NEXMIF: variants seen among roughly 807,000 people sequenced by gnomAD.
NEXMIF encodes the protein XLMR protein related to neurite extension.
A neutral mutation model predicts 62.1 loss-of-function variants in NEXMIF; 8 were observed. The observed-to-expected ratio is 0.13, with a 90% confidence interval of 0.08 to 0.23. NEXMIF has a LOEUF of 0.23. Ranked by LOEUF, NEXMIF falls within the 10% of genes least tolerant of loss-of-function variation. The probability of loss-of-function intolerance (pLI) is 1.00; values close to 1 mark genes in which losing one functional copy is unlikely to be tolerated. For missense variants in NEXMIF, 976 were observed against 1,113.3 expected (o/e 0.88, Z 1.75); for synonymous variants, 404 against 416.6 (o/e 0.97, Z 0.37).
chrX:74,884,972 A>C (rs1219365586), intron 1 of NEXMIF, among the ~76,000 whole-genome samples: 3 of 111,386 alleles, frequency 2.7e-5, no homozygotes, highest in Non-Finnish European at 5.7e-5. Flanking sequence ...CAATCAAACT[A>C]GAACTCAGGA....
chrX:74,799,613 A>G (rs2080322982), intron 1 of NEXMIF, among the ~76,000 whole-genome samples: 1 of 111,063 alleles, frequency 9.0e-6, no homozygotes, highest in African/African-American at 3.3e-5. Flanking sequence ...ACAATAATGA[A>G]CTCTCAAAAC....
chrX:74,878,510 T>G (rs868548240), intron 1 of NEXMIF, among the ~76,000 whole-genome samples: 2 of 112,480 alleles, frequency 1.8e-5, no homozygotes, highest in Non-Finnish European at 3.8e-5. Flanking sequence ...GCTGTGGTGG[T>G]CTCCACCCAG....
rs1399191075 is a variant in NEXMIF, at chrX:74,743,279, C to G, written c.1278G>C (p.Gln426His). Residue 426 changes from glutamine to histidine, a missense_variant, in exon 3 of 4, where the codon CAG becomes CAC. Gln to His is a conservative substitution (Grantham distance 24). Coordinates refer to ENST00000055682, the MANE Select transcript of NEXMIF (RefSeq NM_001008537.3). ...TCTCCAGGGAATTAGCAAGATGGCC[C>G]TGCTTTGGATTCTTAAGTTGCTCTA... ...TEVEQLKNPKQGHLANSLETS... is the reference protein window; with the variant it reads ...TEVEQLKNPKHGHLANSLETS... The G allele has an allele frequency of 1.7e-6, 2 of 1,211,752 alleles. No homozygotes were observed. The highest frequency in any genetic ancestry group is 3.5e-5 in the South Asian group (2 of 56,966).
At chrX:74,887,593 T>G (rs1569363695) in intron 1 of NEXMIF, among the ~76,000 whole-genome samples, 2 of 111,033 alleles carry the variant, frequency 1.8e-5, no homozygotes, top group Non-Finnish European at 3.8e-5. Flanking sequence ...AAAACCACAA[T>G]GAGATACCAT....
chrX:74,863,128 T>C (rs780758652), intron 1 of NEXMIF, among the ~76,000 whole-genome samples: 2 of 107,131 alleles, frequency 1.9e-5, no homozygotes, highest in East Asian at 3.0e-4. Context: ...GCTGAGTCCA[T>C]GCCACTGGAC....
rs1165878362 is a variant in NEXMIF, at chrX:74,741,414, T to C, written c.3143A>G (p.Glu1048Gly). The C allele has an allele frequency of 8.3e-7, 1 of 1,211,633 alleles. No individual in the cohort carries two copies. Among genetic ancestry groups the C allele is most frequent in the Non-Finnish European group, 1.1e-6 (1 of 895,444 alleles). ...QSIDEIAPLK[E>G]STDLLDISNF... ...GGATATATCCAGGAGGTCAGTGGACTCCTTTAGTGGTGCTATCTCATCAAT... is the reference window on the plus strand; with the variant it reads ...GGATATATCCAGGAGGTCAGTGGACCCCTTTAGTGGTGCTATCTCATCAAT... Residue 1048 changes from glutamate (E) to glycine (G), a missense_variant, in exon 3 of 4, where the codon GAG becomes GGG. Physicochemically the swap from Glu to Gly is moderately conservative, Grantham distance 98. Coordinates refer to ENST00000055682, the MANE Select transcript of NEXMIF (RefSeq NM_001008537.3).
At chrX:74,765,896 C>A (rs1192773729) in intron 1 of NEXMIF, among the ~76,000 whole-genome samples, 3 of 102,215 alleles carry the variant, frequency 2.9e-5, no homozygotes, top group Non-Finnish European at 6.0e-5. Flanking sequence ...AAAAAAGTAA[C>A]CAGGTGTGGT....
chrX:74,891,452 C>T (rs928254351), intron 1 of NEXMIF, among the ~76,000 whole-genome samples: 18 of 111,121 alleles, frequency 1.6e-4, no homozygotes, highest in Non-Finnish European at 3.0e-4. Context: ...ATAAATAATG[C>T]CAAAGTGAAA....
chrX:74,905,398 T>A (rs1253581387), intron 1 of NEXMIF, among the ~76,000 whole-genome samples: 1 of 112,313 alleles, frequency 8.9e-6, no homozygotes, highest in African/African-American at 3.2e-5. Context: ...TGGAGAGGAA[T>A]GTGACTGAAA....
At chrX:74,896,041 G>A (rs759464326) in intron 1 of NEXMIF, among the ~76,000 whole-genome samples, 19 of 110,935 alleles carry the variant, frequency 1.7e-4, no homozygotes, top group South Asian at 3.9e-4. Flanking sequence ...AGCCTGCCCC[G>A]TTTCCCCTTT....
At chrX:74,866,100 C>T (rs981421695) in intron 1 of NEXMIF, among the ~76,000 whole-genome samples, 3 of 111,477 alleles carry the variant, frequency 2.7e-5, no homozygotes, top group Non-Finnish European at 5.7e-5. Context: ...CCGGAAATGC[C>T]ACAGAAACTC....
At chrX:74,871,858 C>CAATCAGAT (rs1251879617) in intron 1 of NEXMIF, among the ~76,000 whole-genome samples, 5 of 111,535 alleles carry the variant, frequency 4.5e-5, no homozygotes, top group Non-Finnish European at 9.4e-5. Flanking sequence ...CCTTGTTTCA[C>CAATCAGAT]AATCAGATTT....
intron 1 of NEXMIF, among the ~76,000 whole-genome samples, chrX:74,838,073 C>T (rs912923228): frequency 3.6e-5 from 4 of 111,078 alleles, no homozygotes; most frequent in African/African-American, 1.3e-4. Context: ...ACTTACAAGC[C>T]CTGAACCTGA....
chrX:74,842,682 A>C (rs1008336729), intron 1 of NEXMIF, among the ~76,000 whole-genome samples: 17 of 112,197 alleles, frequency 1.5e-4, no homozygotes, highest in South Asian at 3.7e-4. Flanking sequence ...CTTGATTCTC[A>C]TTCTTTTCAA....
At chrX:74,875,205 G>T (rs1416282252) in intron 1 of NEXMIF, among the ~76,000 whole-genome samples, 55 of 110,683 alleles carry the variant, frequency 5.0e-4, no homozygotes, top group East Asian at 2.0e-3. Flanking sequence ...TAGCATGAAG[G>T]GTTGTTGAAT....
At chrX:74,757,896 T>G (rs2080164029) in intron 1 of NEXMIF, among the ~76,000 whole-genome samples, 1 of 111,917 alleles carries the variant, frequency 8.9e-6, no homozygotes, top group South Asian at 3.7e-4. Context: ...ATGGGAAGTT[T>G]CATGTTCTCT....
chrX:74,916,400 A>T (rs1228381450), intron 1 of NEXMIF, among the ~76,000 whole-genome samples: 1 of 112,187 alleles, frequency 8.9e-6, no homozygotes, highest in African/African-American at 3.2e-5. Flanking sequence ...TTAATCCCTG[A>T]TGTGGCAGTA....
At chrX:74,777,463 CTAGAT>C (rs1338406489) in intron 1 of NEXMIF, among the ~76,000 whole-genome samples, 2 of 111,509 alleles carry the variant, frequency 1.8e-5, no homozygotes, top group African/African-American at 6.5e-5. Context: ...TTTTTCTCTT[CTAGAT>C]ATTTAAAAAT....
chrX:74,798,252 C>G (rs2080318527), intron 1 of NEXMIF, among the ~76,000 whole-genome samples: 1 of 111,461 alleles, frequency 9.0e-6, no homozygotes, highest in African/African-American at 3.3e-5. Context: ...AAAACCAAAC[C>G]AAAACAAAAA....
Sources: gnomAD v4.1 joint callset for allele counts (sites outside exome capture counted in the v4.1 genomes callset) on GRCh38, gnomAD v4.1.1 for gene constraint, MANE v1.5 for transcripts, NCBI Gene and HGNC (gene_info 2026-07-23, HGNC 2026-07-21) for gene names.